Variants in DICER1 observed in about 807,000 individuals in gnomAD.
DICER1 encodes dicer 1, ribonuclease III.
A neutral mutation model predicts 194.1 loss-of-function variants in DICER1; 43 were observed. The observed-to-expected ratio is 0.22, with a 90% CI of 0.17 to 0.29. DICER1 has a LOEUF of 0.29. DICER1 is among the 10% of genes least tolerant of loss of function. The probability of loss-of-function intolerance (pLI) is 1.00; values close to 1 mark genes in which losing one functional copy is unlikely to be tolerated. For synonymous variants in DICER1, 832 were observed against 820.5 expected (o/e 1.01, Z -0.24); for missense variants, 1,608 against 2,317.0 (o/e 0.69, Z 6.28).
rs1447821588 is a variant in DICER1 at position 95,096,009 on chromosome 14, C to T, written c.4911G>A (p.Ser1637=). Residue 1637 remains serine, a synonymous_variant, in exon 23 of 27, where the codon TCG becomes TCA. Transcript: ENST00000343455. The stretch of plus-strand genomic sequence containing the variant: ...GTGGAATCTTCAAACAACCATATTC[C>T]GAGTCTTTCAATACAGAAGAGCGTG... ...ASSRSSVLKD[S]EYGCLKIPPR... is the part of the protein sequence containing the mutation. 6 of 1,614,040 alleles carry T rather than the reference C, an allele frequency of 3.7e-6. No individual in the cohort carries two copies. The highest frequency in any genetic ancestry group is 5.1e-6 in the Non-Finnish European group (6 of 1,180,034).
intron 6 of DICER1, 26 bp downstream of exon 6, chr14:95,129,446 A>G (rs771316156): frequency 5.6e-6 from 9 of 1,610,402 alleles, no homozygotes; most frequent in African/African-American, 1.3e-5. Flanking sequence ...AATCTCATTA[A>G]AGCTGAGTCA....
intron 1 of DICER1, among the ~76,000 whole-genome samples, chr14:95,133,845 A>T (rs1212695494): frequency 6.6e-6 from 1 of 152,260 alleles, no homozygotes; most frequent in Non-Finnish European, 1.5e-5. Context: ...CTATGACTAT[A>T]TAATGGAATA....
chr14:95,143,870 C>T (rs1217402462), intron 1 of DICER1, among the ~76,000 whole-genome samples: 1 of 151,970 alleles, frequency 6.6e-6, no homozygotes, highest in African/African-American at 2.4e-5. Flanking sequence ...AGTATTCATA[C>T]CAAATAATAA....
At chr14:95,149,421 C>G (rs542483408) in intron 1 of DICER1, among the ~76,000 whole-genome samples, 1 of 152,322 alleles carries the variant, frequency 6.6e-6, no homozygotes, top group East Asian at 1.9e-4. Context: ...TGTGTACCAA[C>G]AGAGTTCGCC....
chr14:95,096,502 G>A lies in DICER1; in HGVS notation c.4418C>T (p.Ser1473Leu), dbSNP rs2139851055. The A allele has an allele frequency of 6.2e-7, 1 of 1,614,084 alleles. No individual in the cohort carries two copies. Among genetic ancestry groups the A allele is most frequent in the Non-Finnish European group, 8.5e-7 (1 of 1,179,956 alleles). Residue 1473 changes from serine to leucine, a missense_variant, in exon 23 of 27, where the codon TCA becomes TTA. Ser to Leu is a moderately radical substitution (Grantham distance 145). Coordinates refer to ENST00000343455, the MANE Select transcript of DICER1 (RefSeq NM_177438.3). ...CCATTCATATGCAGAATCAGTGGTT[G>A]AAAAAGGAGAAAGAGAGATTTTCTT... Reference protein sequence around the residue: ...FVKKISLSPFSTTDSAYEWKM... With the variant: ...FVKKISLSPFLTTDSAYEWKM...
intron 1 of DICER1, among the ~76,000 whole-genome samples, chr14:95,135,691 T>G (rs930107384): frequency 1.3e-5 from 2 of 152,214 alleles, no homozygotes; most frequent in African/African-American, 4.8e-5. Context: ...TTATCCTTAG[T>G]ATTACGTCCT....
At chr14:95,111,253 T>C in intron 14 of DICER1, 64 bp downstream of exon 14, 7 of 1,600,636 alleles carry the variant, frequency 4.4e-6, no homozygotes, top group Admixed American at 3.3e-5. Context: ...GGAACTGAGA[T>C]TTGATGTAGC....
At position 95,090,711 on chromosome 14, in the gene DICER1, A is replaced by G; in HGVS notation, c.5604-48T>C. On this transcript the variant is annotated intron_variant, in intron 26 of 26. Coordinates refer to ENST00000343455, the MANE Select transcript of DICER1 (RefSeq NM_177438.3). The stretch of plus-strand genomic sequence containing the variant: ...GAATTAGAAGTCAGAAGTATTTATT[A>G]TCATTGTCAATCAGCATTTAGTGTG... 1 of 1,601,498 alleles carries G rather than the reference A, an allele frequency of 6.2e-7. No individual in the cohort carries two copies. Among genetic ancestry groups the G allele is most frequent in the East Asian group, 2.2e-5 (1 of 44,798 alleles).
Position 95,116,785 on chromosome 14 carries a change from T to C in DICER1, c.1510-90A>G, listed in dbSNP as rs1892513748. On this transcript the variant is annotated intron_variant, in intron 9 of 26. Coordinates refer to ENST00000343455, the MANE Select transcript of DICER1 (RefSeq NM_177438.3). The stretch of plus-strand genomic sequence containing the variant: ...TAGTAAAAGTAAATGACAACTGTCA[T>C]TTCTGACACACATGCTCTTGGGCAT... 4 of 1,303,238 alleles carry C rather than the reference T, an allele frequency of 3.1e-6. No individual in the cohort carries two copies. In the East Asian group the frequency reaches 9.2e-5, roughly 30 times the overall value. The allele number at this position is 1,303,238 out of a possible 1,614,324, so 80.7% of individuals were successfully genotyped here. A position where few individuals can be genotyped will look rare whatever the true frequency, so the allele number is the denominator to read the frequency against.
Position 95,089,746 on chromosome 14 carries a change from T to A in DICER1, c.*752A>T, listed in dbSNP as rs1889625322. 1 of 232,156 alleles carries A rather than the reference T, an allele frequency of 4.3e-6. No homozygotes were observed. The highest frequency in any genetic ancestry group is 8.5e-6 in the Non-Finnish European group (1 of 117,256). The allele number at this position is 232,156 out of a possible 1,614,324, so 14.4% of individuals were successfully genotyped here. A position where few individuals can be genotyped will look rare whatever the true frequency, so the allele number is the denominator to read the frequency against. ...TTGTAAGTATCACGCTGTCTCAACG[T>A]CTAATGCATAATAAAATGAAAGGAA... On this transcript the variant is annotated 3_prime_UTR_variant, in exon 27 of 27. Coordinates refer to ENST00000343455, the MANE Select transcript of DICER1 (RefSeq NM_177438.3).
At chr14:95,127,942 G>A (rs937041024) in intron 6 of DICER1, among the ~76,000 whole-genome samples, 1 of 152,162 alleles carries the variant, frequency 6.6e-6, no homozygotes. Flanking sequence ...AAGAAGAATG[G>A]GAAGACTGAT....
intron 1 of DICER1, among the ~76,000 whole-genome samples, chr14:95,149,699 G>C (rs149002271): frequency 4.6e-5 from 7 of 152,262 alleles, no homozygotes; most frequent in African/African-American, 9.6e-5. Flanking sequence ...TAATGACTAG[G>C]TAGTTTGGAA....
At chr14:95,129,653 G>A in intron 5 of DICER1, 21 bp from the exon 6 acceptor site, 2 of 1,604,416 alleles carry the variant, frequency 1.2e-6, no homozygotes, top group East Asian at 2.2e-5. Context: ...AAAAGATACT[G>A]ACAGTAAAGA....
At chr14:95,111,771 T>C (rs866090392) in intron 13 of DICER1, among the ~76,000 whole-genome samples, 2 of 149,854 alleles carry the variant, frequency 1.3e-5, no homozygotes, top group East Asian at 1.9e-4. Context: ...AGGAGCAGGA[T>C]TGAGAAAAAA....
chr14:95,129,741 G>C, intron 5 of DICER1, 109 bp from the exon 6 acceptor site: 1 of 1,067,312 alleles, frequency 9.4e-7, no homozygotes, highest in Non-Finnish European at 1.4e-6. Flanking sequence ...TAGTAAAAAA[G>C]AATTTGTTTG....
chr14:95,130,422 G>A (rs1422620627), intron 4 of DICER1, among the ~76,000 whole-genome samples: 2 of 152,250 alleles, frequency 1.3e-5, no homozygotes, highest in Non-Finnish European at 2.9e-5. Context: ...TGGAAAGCAT[G>A]TCTTGACGAC....
At chr14:95,123,592 G>GT (rs1411163292) in intron 8 of DICER1, among the ~76,000 whole-genome samples, 1 of 152,058 alleles carries the variant, frequency 6.6e-6, no homozygotes, top group Non-Finnish European at 1.5e-5. Context: ...GCTAATTTTT[G>GT]TATTTTTTCT....
intron 1 of DICER1, among the ~76,000 whole-genome samples, chr14:95,147,281 C>T (rs1463879002): frequency 6.6e-6 from 1 of 152,136 alleles, no homozygotes; most frequent in African/African-American, 2.4e-5. Context: ...ACCTGGGAAA[C>T]ATGGCAAAAC....
Position 95,096,517 on chromosome 14 carries a change from G to C in DICER1, c.4403C>G (p.Ser1468Cys), listed in dbSNP as rs753582860. The C allele has an allele frequency of 3.1e-6, 5 of 1,614,030 alleles. No homozygotes were observed. The Admixed American group carries it at 5.0e-5, about 16-fold the overall frequency. ...ATCAGTGGTTGAAAAAGGAGAAAGA[G>C]AGATTTTCTTTACAAAAGCTCCTGA... ...MGSGAFVKKISLSPFSTTDSA... is the reference protein window; with the variant it reads ...MGSGAFVKKICLSPFSTTDSA... The change falls in exon 23 of 27, where the codon TCT (serine) becomes TGT (cysteine). Residue 1468 changes from serine (S) to cysteine (C), a missense_variant. By Grantham distance (112) the Ser-to-Cys change is moderately radical. Coordinates refer to ENST00000343455, the MANE Select transcript of DICER1 (RefSeq NM_177438.3).
Sources: allele counts gnomAD v4.1 joint callset (sites outside exome capture counted in the v4.1 genomes callset), GRCh38; gene constraint gnomAD v4.1.1; transcripts MANE v1.5; gene names NCBI Gene and HGNC (gene_info 2026-07-23, HGNC 2026-07-21).